Variants in WIPI2 observed in about 807,000 individuals in gnomAD.
WIPI2 encodes the protein WD repeat domain phosphoinositide-interacting protein 2.
WIPI2 carries 28 observed loss-of-function variants against 52.3 expected under a neutral mutation model. That is an observed-to-expected ratio of 0.54 (90% CI 0.40 to 0.73). WIPI2 has a LOEUF of 0.73. WIPI2 is among the 30% of genes least tolerant of loss of function. The pLI is 0.00. For synonymous variants in WIPI2, 268 were observed against 245.0 expected (o/e 1.09, Z -0.88); for missense variants, 506 against 602.9 (o/e 0.84, Z 1.68).
In WIPI2 at chr7:5,193,099, GT is replaced by G. The variant is rs771796192; in HGVS notation, c.75-15del. On this transcript the variant is annotated intron_variant, in intron 1 of 12. Transcript: ENST00000288828. ...TTTTTTACCATTTGTTTTTTGTTTT[GT>G]TTTGTTTTTTTACCTAGAGAAGTGA... The G allele has an allele frequency of 1.3e-5, 21 of 1,610,740 alleles. No homozygotes were observed. In the Admixed American group the frequency reaches 1.8e-4, roughly 14 times the overall value.
At chr7:5,225,483 C>G (rs1783384287) in intron 8 of WIPI2, among the ~76,000 whole-genome samples, 1 of 152,176 alleles carries the variant, frequency 6.6e-6, no homozygotes, top group Non-Finnish European at 1.5e-5. Context: ...CCGATTTACC[C>G]TCTGGTGTGG....
At chr7:5,224,640 C>T (rs775545176) in intron 8 of WIPI2, among the ~76,000 whole-genome samples, 1 of 152,110 alleles carries the variant, frequency 6.6e-6, no homozygotes, top group African/African-American at 2.4e-5. Flanking sequence ...GTTAGGGAGT[C>T]GGAGCTGTCT....
At position 5,227,549 on chromosome 7, in the gene WIPI2, C is replaced by T. The variant is rs144047645; in HGVS notation, c.1013+205C>T. 4.5e-3 allele frequency among the ~76,000 whole-genome samples: 689 copies of T among 152,310 alleles called. 14 individuals carry two copies. The highest frequency in any genetic ancestry group is 2.7e-3 in the East Asian group (14 of 5,176). ...GCGGGGGTCCATTTCCAGACGGGCTCCCGTTCTGTTTTTGTGGATAGTCTG... is the reference window on the plus strand; with the variant it reads ...GCGGGGGTCCATTTCCAGACGGGCTTCCGTTCTGTTTTTGTGGATAGTCTG... On this transcript the variant is annotated intron_variant, in intron 10 of 12. Coordinates refer to ENST00000288828, the MANE Select transcript of WIPI2 (RefSeq NM_015610.4). The surrounding 1 kb of genome is among the most constrained non-coding windows in gnomAD (Gnocchi z 8.1).
chr7:5,232,191 G>C lies in WIPI2; in HGVS notation c.*1244G>C, dbSNP rs1337855874. 7.5e-6 allele frequency: 3 copies of C among 398,684 alleles called. No individual in the cohort carries two copies. Among genetic ancestry groups the C allele is most frequent in the Admixed American group, 4.4e-5 (1 of 22,724 alleles). The allele number at this position is 398,684 out of a possible 1,614,324, so 24.7% of individuals were successfully genotyped here. A position where few individuals can be genotyped will look rare whatever the true frequency, so the allele number is the denominator to read the frequency against. On this transcript the variant is annotated 3_prime_UTR_variant, in exon 13 of 13. Transcript: ENST00000288828. ...TATGGAGTGGTGGAAGTTACGGATA[G>C]AAGGGAAAAGGCAAAAACTATTTAC...
intron 3 of WIPI2, among the ~76,000 whole-genome samples, chr7:5,211,078 G>C (rs950981859): frequency 6.6e-5 from 10 of 152,222 alleles, no homozygotes; most frequent in African/African-American, 2.2e-4. Context: ...GTAGCCCTAT[G>C]TAGACCAGGA....
chr7:5,216,894 A>C, intron 5 of WIPI2, 196 bp from the exon 6 acceptor site: 1 of 706,870 alleles, frequency 1.4e-6, no homozygotes, highest in Admixed American at 2.9e-5. Context: ...AAAGGCCTTT[A>C]ATCTCTTGAC....
At chr7:5,221,812 A>G (rs532386984) in intron 7 of WIPI2, among the ~76,000 whole-genome samples, 59 of 152,230 alleles carry the variant, frequency 3.9e-4, no homozygotes, top group African/African-American at 1.4e-3. Flanking sequence ...GACTCCTTAT[A>G]AGGTAGTTGA....
intron 3 of WIPI2, among the ~76,000 whole-genome samples, chr7:5,211,748 T>TTAATGAAGC (rs1782572029): frequency 6.6e-6 from 1 of 152,222 alleles, no homozygotes; most frequent in Non-Finnish European, 1.5e-5. Flanking sequence ...AACCCTGAAG[T>TTAATGAAGC]TAATGAAGCT....
intron 3 of WIPI2, among the ~76,000 whole-genome samples, chr7:5,202,095 A>G (rs984793550): frequency 1.3e-5 from 2 of 152,206 alleles, no homozygotes; most frequent in African/African-American, 2.4e-5. Context: ...CAGGCTCAGT[A>G]TTGACGTCTA....
intron 7 of WIPI2, chr7:5,218,789 T>G (rs1207343950): frequency 6.6e-6 from 1 of 152,228 alleles, no homozygotes; most frequent in Non-Finnish European, 1.5e-5. Flanking sequence ...GGACTGTGCC[T>G]CTCTTTTCGT....
chr7:5,214,251 C>G (rs1039537133), intron 3 of WIPI2: 2 of 1,371,928 alleles, frequency 1.5e-6, no homozygotes, highest in Non-Finnish European at 1.9e-6. Flanking sequence ...TTCCTAAACT[C>G]ACCATTCAAA....
Position 5,225,926 on chromosome 7 carries a change from G to A in WIPI2, c.844G>A (p.Glu282Lys). ...VHIFKLETVK[E>K]KPPEEPTTWT... ...CATCTTCAAACTCGAGACTGTGAAAGAAAAGTGAGTTGCAAATATACGTTT... is the reference window on the plus strand; with the variant it reads ...CATCTTCAAACTCGAGACTGTGAAAAAAAAGTGAGTTGCAAATATACGTTT... The change falls in exon 9 of 13, where the codon GAA (glutamate) becomes AAA (lysine). Residue 282 changes from glutamate to lysine, a missense_variant. This residue lies in a region of WIPI2 where 237 missense variants were observed against 346.9 expected (regional missense o/e 0.68). Coordinates refer to ENST00000288828, the MANE Select transcript of WIPI2 (RefSeq NM_015610.4). The A allele has an allele frequency of 6.2e-7, 1 of 1,613,078 alleles. No individual in the cohort carries two copies. Among genetic ancestry groups the A allele is most frequent in the Non-Finnish European group, 8.5e-7 (1 of 1,179,570 alleles).
At chr7:5,202,654 G>A (rs1479758013) in intron 3 of WIPI2, among the ~76,000 whole-genome samples, 1 of 152,164 alleles carries the variant, frequency 6.6e-6, no homozygotes, top group Non-Finnish European at 1.5e-5. Context: ...CCAAAGTGCT[G>A]GGATTATAGG....
In WIPI2 at chr7:5,227,374, C is replaced by A. The variant is rs1358885664; in HGVS notation, c.1013+30C>A. The stretch of plus-strand genomic sequence containing the variant: ...GTAGAGCCGGCGCCTCCGTCCCCCA[C>A]CCCGTGTGCCTCAGGCCGAGGGGCC... On this transcript the variant is annotated intron_variant, in intron 10 of 12. Coordinates refer to ENST00000288828, the MANE Select transcript of WIPI2 (RefSeq NM_015610.4). This position sits in a 1 kb window ranked among gnomAD's most constrained non-coding sequence, Gnocchi z 8.1. The A allele has an allele frequency of 6.2e-7, 1 of 1,606,412 alleles. No homozygotes were observed. Among genetic ancestry groups the A allele is most frequent in the Admixed American group, 1.7e-5 (1 of 59,934 alleles).
chr7:5,216,994 TA>T, intron 5 of WIPI2, 95 bp from the exon 6 acceptor site: 1 of 1,265,562 alleles, frequency 7.9e-7, no homozygotes, highest in Non-Finnish European at 1.1e-6. Context: ...TATTTGTTCC[TA>T]ATGCTCTGTT....
chr7:5,217,340 T>G lies in WIPI2; in HGVS notation c.576+153T>G, dbSNP rs778244910. The G allele has an allele frequency of 7.5e-6, 6 of 795,264 alleles. No homozygotes were observed. In the East Asian group the frequency reaches 1.7e-4, roughly 22 times the overall value. 49.3% of individuals were successfully genotyped at this position (795,264 alleles called of 1,614,324 possible). On this transcript the variant is annotated intron_variant, in intron 6 of 12. Transcript: ENST00000288828. ...TTGTTTTTGAGACAGGGTCTGGCTCTGTCGCCCATGCTGGAGTGCAGTGGT... is the reference window on the plus strand; with the variant it reads ...TTGTTTTTGAGACAGGGTCTGGCTCGGTCGCCCATGCTGGAGTGCAGTGGT...
chr7:5,202,653 T>C (rs1172448516), intron 3 of WIPI2, among the ~76,000 whole-genome samples: 1 of 152,200 alleles, frequency 6.6e-6, no homozygotes, highest in Non-Finnish European at 1.5e-5. Context: ...CCCAAAGTGC[T>C]GGGATTATAG....
Position 5,220,618 on chromosome 7 carries a change from G to T in WIPI2, c.670-1984G>T, listed in dbSNP as rs115171844. On this transcript the variant is annotated intron_variant, in intron 7 of 12. Transcript: ENST00000288828. ...TGCAGCTTCCACTCCTGGGACAACAGGAACGAATCATCAGGCTTAGCTGAT... is the reference window on the plus strand; with the variant it reads ...TGCAGCTTCCACTCCTGGGACAACATGAACGAATCATCAGGCTTAGCTGAT... 3.7e-3 allele frequency among the ~76,000 whole-genome samples: 556 copies of T among 152,062 alleles called. 6 individuals carry two copies. The highest frequency in any genetic ancestry group is 0.013 in the African/African-American group (524 of 41,458).
At chr7:5,221,831 G>C (rs1306439535) in intron 7 of WIPI2, among the ~76,000 whole-genome samples, 1 of 152,190 alleles carries the variant, frequency 6.6e-6, no homozygotes, top group Non-Finnish European at 1.5e-5. Flanking sequence ...GAGATTTCCA[G>C]CTAATCGGCT....
Sources: allele counts gnomAD v4.1 joint callset (sites outside exome capture counted in the v4.1 genomes callset), GRCh38; gene constraint gnomAD v4.1.1; regional missense constraint gnomAD v4.1.1; non-coding constraint Gnocchi (gnomAD v3.1); transcripts MANE v1.5; gene names NCBI Gene and HGNC (gene_info 2026-07-23, HGNC 2026-07-21).